Variants in UBR3 observed in about 807,000 individuals in gnomAD.
The protein encoded by UBR3 is ubiquitin protein ligase E3 component n-recognin 3.
A neutral mutation model predicts 243.2 loss-of-function variants in UBR3; 85 were observed. The ratio of observed to expected loss-of-function variants is 0.35; its 90% CI spans 0.29 to 0.42. The LOEUF (loss-of-function observed/expected upper bound fraction) is 0.42, where lower values mean the gene tolerates loss of function less well. UBR3 is among the 10% of genes least tolerant of loss of function. UBR3 has a pLI of 1.00. For synonymous variants in UBR3, 748 were observed against 799.8 expected (o/e 0.94, Z 1.09); for missense variants, 1,686 against 2,300.8 (o/e 0.73, Z 5.47).
intron 29 of UBR3, chr2:170,014,532 TTTACTG>T (rs1167533455): frequency 1.3e-5 from 2 of 152,108 alleles, no homozygotes; most frequent in African/African-American, 4.8e-5. Context: ...AATTGGTTCT[TTTACTG>T]TTACTGTTTT....
chr2:169,908,203 T>A (rs1050985748), intron 10 of UBR3, among the ~76,000 whole-genome samples: 1 of 152,240 alleles, frequency 6.6e-6, no homozygotes, highest in Non-Finnish European at 1.5e-5. Flanking sequence ...GCATGAGAGT[T>A]ATCTTGGAAG....
At chr2:169,937,822 G>A (rs1271486879) in intron 19 of UBR3, among the ~76,000 whole-genome samples, 1 of 152,178 alleles carries the variant, frequency 6.6e-6, no homozygotes, top group Non-Finnish European at 1.5e-5. Flanking sequence ...TGGGTAGGCA[G>A]GTTGGTTGAG....
chr2:169,902,531 C>T (rs1238294155), intron 8 of UBR3, among the ~76,000 whole-genome samples: 1 of 115,042 alleles, frequency 8.7e-6, no homozygotes, highest in Non-Finnish European at 2.3e-5. Flanking sequence ...ATCTGCTCCA[C>T]CATCACTAGT....
chr2:170,080,398 T>C (rs2091887407), intron 37 of UBR3, 147 bp from the exon 38 acceptor site: 1 of 887,846 alleles, frequency 1.1e-6, no homozygotes, highest in African/African-American at 1.7e-5. Flanking sequence ...AATAATAAAG[T>C]GTTAGGAATG....
Position 169,914,155 on chromosome 2 carries a change from ATTTTTGATGTATGTAAAT to A in UBR3, c.1866+27_1866+44del, listed in dbSNP as rs772757639. ...TTAACTTCGTAGACGAGGTATGTAT[ATTTTTGATGTATGTAAAT>A]TTTTTGATGTATGTAAAGACATTTA... is the stretch of plus-strand genomic sequence containing the variant. On this transcript the variant is annotated intron_variant, in intron 11 of 38. Coordinates refer to ENST00000272793, the MANE Select transcript of UBR3 (RefSeq NM_172070.4). The A allele has an allele frequency of 6.9e-6, 10 of 1,459,676 alleles. No individual in the cohort carries two copies. The highest frequency in any genetic ancestry group is 5.3e-5 in the East Asian group (2 of 37,778). 90.4% of individuals were successfully genotyped at this position (1,459,676 alleles called of 1,614,324 possible). A position where few individuals can be genotyped will look rare whatever the true frequency, so the allele number is the denominator to read the frequency against.
intron 18 of UBR3, among the ~76,000 whole-genome samples, chr2:169,930,616 C>G (rs572902775): frequency 1.1e-4 from 16 of 152,206 alleles, no homozygotes; most frequent in African/African-American, 3.9e-4. Flanking sequence ...GACTGTTGGG[C>G]TTAAGCAATC....
chr2:169,980,286 G>A (rs989869403), intron 24 of UBR3, among the ~76,000 whole-genome samples: 1 of 152,178 alleles, frequency 6.6e-6, no homozygotes, highest in Admixed American at 6.5e-5. Flanking sequence ...GGAGACATTA[G>A]TATGAACTCA....
intron 30 of UBR3, among the ~76,000 whole-genome samples, chr2:170,017,257 T>C (rs1384585573): frequency 2.6e-5 from 4 of 152,122 alleles, no homozygotes; most frequent in African/African-American, 9.6e-5. Flanking sequence ...TATTCATATT[T>C]TCCTTTTCCC....
At chr2:170,015,135 GATT>G (rs1338107173) in intron 29 of UBR3, 143 bp from the exon 30 acceptor site, 1 of 575,078 alleles carries the variant, frequency 1.7e-6, no homozygotes, top group Non-Finnish European at 3.1e-6. Context: ...AGATAAATAT[GATT>G]ATTACTGATA....
intron 8 of UBR3, among the ~76,000 whole-genome samples, chr2:169,899,797 A>G (rs2084744246): frequency 6.6e-6 from 1 of 152,158 alleles, no homozygotes; most frequent in Non-Finnish European, 1.5e-5. Context: ...GATGGTGACC[A>G]GTTTCATCCA....
chr2:169,956,182 G>A (rs2087279923), intron 23 of UBR3, among the ~76,000 whole-genome samples: 1 of 145,274 alleles, frequency 6.9e-6, no homozygotes, highest in South Asian at 2.3e-4. Context: ...TACTTCTGCA[G>A]TGAGATACCT....
rs1401782480 is a variant in UBR3, at chr2:170,050,283, T to G, written c.4661-5177T>G. 1.1e-4 allele frequency among the ~76,000 whole-genome samples: 16 copies of G among 152,204 alleles called. No individual in the cohort carries two copies. The East Asian group carries it at 2.9e-3, about 27-fold the overall frequency. On this transcript the variant is annotated intron_variant, in intron 32 of 38. Transcript: ENST00000272793. ...AGAGGGTCAGAGCACATGTAGTTAGTAACTCCAAATCATAAAAGGTAAGAC... is the reference window on the plus strand; with the variant it reads ...AGAGGGTCAGAGCACATGTAGTTAGGAACTCCAAATCATAAAAGGTAAGAC...
Position 170,037,757 on chromosome 2 carries a change from T to C in UBR3, c.4557-3125T>C, listed in dbSNP as rs1197719943. On this transcript the variant is annotated intron_variant, in intron 31 of 38. Transcript: ENST00000272793. ...TCTGGGAAAGTAGTTATCTTTATAA[T>C]ATGCAGTTTCCTCAACTAGAAATAT... 3.3e-5 allele frequency among the ~76,000 whole-genome samples: 5 copies of C among 152,334 alleles called. No homozygotes were observed. The South Asian group carries it at 6.2e-4, about 19-fold the overall frequency.
chr2:169,858,063 G>A (rs1042358725), intron 1 of UBR3, among the ~76,000 whole-genome samples: 1 of 152,206 alleles, frequency 6.6e-6, no homozygotes, highest in Non-Finnish European at 1.5e-5. Context: ...CTAAAACTGA[G>A]CAGCTTAAGA....
At chr2:170,012,206 C>G (rs2090105144) in intron 29 of UBR3, among the ~76,000 whole-genome samples, 2 of 152,038 alleles carry the variant, frequency 1.3e-5, no homozygotes, top group African/African-American at 4.8e-5. Context: ...AAAATTCTTT[C>G]CTAAAACAAT....
intron 32 of UBR3, among the ~76,000 whole-genome samples, chr2:170,049,921 G>T (rs1258571386): frequency 6.6e-6 from 1 of 152,106 alleles, no homozygotes; most frequent in African/African-American, 2.4e-5. Flanking sequence ...ATGGTAAATT[G>T]CTTATTTTCC....
intron 23 of UBR3, among the ~76,000 whole-genome samples, chr2:169,951,572 G>C (rs73017611): frequency 0.043 from 6,616 of 152,160 alleles, 166 homozygotes; most frequent in Middle Eastern, 0.068. Flanking sequence ...GGGAGTAGTA[G>C]GACATAAGGC....
At chr2:169,866,287 A>G (rs1051288403) in intron 1 of UBR3, among the ~76,000 whole-genome samples, 7 of 143,066 alleles carry the variant, frequency 4.9e-5, no homozygotes, top group Non-Finnish European at 7.5e-5. Flanking sequence ...AAAAGCTTTT[A>G]TGGAAATACA....
rs774309913 is a variant in UBR3 at position 170,035,773 on chromosome 2, TG to T, written c.4557-5108del. 7.9e-5 allele frequency among the ~76,000 whole-genome samples: 12 copies of T among 152,122 alleles called. No homozygotes were observed. The East Asian group carries it at 2.3e-3, about 29-fold the overall frequency. On this transcript the variant is annotated intron_variant, in intron 31 of 38. Coordinates refer to ENST00000272793, the MANE Select transcript of UBR3 (RefSeq NM_172070.4). ...CAAAGAACTGACATCTTGACAATAT[TG>T]AGTCTTCCTACTCATGAACATGGAC...
Sources: gnomAD v4.1 joint callset for allele counts (sites outside exome capture counted in the v4.1 genomes callset) on GRCh38, gnomAD v4.1.1 for gene constraint, MANE v1.5 for transcripts, NCBI Gene and HGNC (gene_info 2026-07-23, HGNC 2026-07-21) for gene names.